Variants in ASIC4 observed in about 807,000 individuals in gnomAD.
ASIC4 encodes the protein acid sensing ion channel subunit family member 4.
Under a neutral mutation model 53.4 loss-of-function variants are expected in ASIC4, and 28 were observed. The observed-to-expected ratio is 0.52, with a 90% CI of 0.39 to 0.72. The LOEUF is 0.72. Among genes scored for constraint, ASIC4 ranks in the 30% least tolerant of loss-of-function variants. ASIC4 has a pLI of 0.00. For missense variants in ASIC4, 649 were observed against 729.7 expected (o/e 0.89, Z 1.27); for synonymous variants, 289 against 301.4 (o/e 0.96, Z 0.43).
intron 5 of ASIC4, 24 bp downstream of exon 5, chr2:219,532,963 A>G (rs1229510253): frequency 6.2e-7 from 1 of 1,608,776 alleles, no homozygotes; most frequent in South Asian, 1.1e-5. Context: ...ACCCTTTCCT[A>G]CCTCTCCATC....
upstream of ASIC4, among the ~76,000 whole-genome samples, chr2:219,513,052 G>C (rs1231875240): frequency 1.3e-5 from 2 of 152,202 alleles, no homozygotes; most frequent in East Asian, 3.9e-4. Flanking sequence ...GGGGCGGGGT[G>C]GCCGTTGGGC....
At chr2:219,514,396 C>T (rs1559452225), upstream of ASIC4, 1 of 1,548,428 alleles carries the variant, frequency 6.5e-7, no homozygotes, top group Non-Finnish European at 8.7e-7. Flanking sequence ...GCGCTCGCTC[C>T]CTCGCTCACT....
At chr2:219,515,498 T>C (rs528073491) in intron 1 of ASIC4, among the ~76,000 whole-genome samples, 192 bp downstream of exon 1, 90 of 152,382 alleles carry the variant, frequency 5.9e-4, no homozygotes, top group African/African-American at 1.0e-3. Context: ...TGGCCGCTCA[T>C]AGGGGCTTAC....
rs144479966 is a variant in ASIC4, at chr2:219,525,353, A to G, written c.583-6405A>G. Among the ~76,000 whole-genome samples the G allele has an allele frequency of 9.8e-3, 1,497 of 152,362 alleles. 28 individuals are homozygous for G. Among genetic ancestry groups the G allele is most frequent in the African/African-American group, 0.034 (1,422 of 41,578 alleles). On this transcript the variant is annotated intron_variant, in intron 1 of 9. Transcript: ENST00000358078. The stretch of plus-strand genomic sequence containing the variant: ...TCTGTCTCTACTTGACACATGAAGA[A>G]ACTGAGGCCCAGAGAAGTTGATAAA...
At chr2:219,510,480 G>A (rs905118191), upstream of ASIC4, among the ~76,000 whole-genome samples, 1 of 152,112 alleles carries the variant, frequency 6.6e-6, no homozygotes, top group Non-Finnish European at 1.5e-5. The surrounding 1 kb of genome is among the most constrained non-coding windows in gnomAD (Gnocchi z 5.2). Flanking sequence ...CCACTCCCAC[G>A]ATGGCTGCGT....
chr2:219,512,418 C>G (rs545271519), upstream of ASIC4, among the ~76,000 whole-genome samples: 6 of 152,160 alleles, frequency 3.9e-5, no homozygotes, highest in Admixed American at 3.9e-4. Flanking sequence ...TTCCCGCTTT[C>G]TTGGCAAAGC....
chr2:219,514,241 G>A (rs1234023610), upstream of ASIC4: 18 of 1,345,144 alleles, frequency 1.3e-5, no homozygotes, highest in East Asian at 4.0e-4. Flanking sequence ...GTCCTGGGCT[G>A]GGGACTGCCC....
Position 219,517,117 on chromosome 2 carries a change from G to C in ASIC4, c.582+1811G>C. On this transcript the variant is annotated intron_variant, in intron 1 of 9. Transcript: ENST00000358078. The surrounding 1 kb of genome is among the most constrained non-coding windows in gnomAD (Gnocchi z 4.2). Reference sequence around the variant, plus strand: ...GGAGTTGGGGGTGGGCAGGAAAGGGGAAGGGTGATGAGACCTCAGTGAGAG... The same window carrying C: ...GGAGTTGGGGGTGGGCAGGAAAGGGCAAGGGTGATGAGACCTCAGTGAGAG... The C allele has an allele frequency of 6.6e-6, 1 of 152,620 alleles. No homozygotes were observed. Among genetic ancestry groups the C allele is most frequent in the Middle Eastern group, 3.4e-3 (1 of 298 alleles). 9.5% of individuals were successfully genotyped at this position (152,620 alleles called of 1,614,324 possible).
At position 219,537,576 on chromosome 2, in the gene ASIC4, C is replaced by T. The variant is rs1468022805; in HGVS notation, c.1402-56C>T. The T allele has an allele frequency of 6.7e-7, 1 of 1,496,456 alleles. No individual in the cohort carries two copies. 92.7% of individuals were successfully genotyped at this position (1,496,456 alleles called of 1,614,324 possible). A position where few individuals can be genotyped will look rare whatever the true frequency, so the allele number is the denominator to read the frequency against. On this transcript the variant is annotated intron_variant, in intron 8 of 9. Coordinates refer to ENST00000358078, the MANE Select transcript of ASIC4 (RefSeq NM_018674.6). This position sits in a 1 kb window ranked among gnomAD's most constrained non-coding sequence, Gnocchi z 4.9. ...GCAGCTGGGCATGGTAAGGCTCACGCTTCTCCTCAACCAAATTTCCTGAGC... is the reference window on the plus strand; with the variant it reads ...GCAGCTGGGCATGGTAAGGCTCACGTTTCTCCTCAACCAAATTTCCTGAGC...
intron 1 of ASIC4, among the ~76,000 whole-genome samples, chr2:219,521,248 C>T (rs762041304): frequency 7.9e-5 from 12 of 152,364 alleles, no homozygotes; most frequent in Non-Finnish European, 1.8e-4. Flanking sequence ...CCCAGCCCCA[C>T]TCAGCAGCCC....
In ASIC4 at chr2:219,538,118, CT is replaced by C; in HGVS notation, c.*73del. The stretch of plus-strand genomic sequence containing the variant: ...GGATCCCCAGCACATTCTCCTGCTC[CT>C]GGGAGAGGCCTGGGGGCGGTGCTCA... On this transcript the variant is annotated 3_prime_UTR_variant, in exon 10 of 10. Coordinates refer to ENST00000358078, the MANE Select transcript of ASIC4 (RefSeq NM_018674.6). The C allele has an allele frequency of 7.7e-7, 1 of 1,302,768 alleles. No individual in the cohort carries two copies. Among genetic ancestry groups the C allele is most frequent in the South Asian group, 1.3e-5 (1 of 78,946 alleles). The allele number at this position is 1,302,768 out of a possible 1,614,324, so 80.7% of individuals were successfully genotyped here.
chr2:219,526,779 A>C (rs972242473), intron 1 of ASIC4, among the ~76,000 whole-genome samples: 1 of 152,186 alleles, frequency 6.6e-6, no homozygotes, highest in African/African-American at 2.4e-5. Flanking sequence ...CAGCACAGAC[A>C]TAGTCCTGTC....
chr2:219,515,368 G>A, intron 1 of ASIC4, 62 bp downstream of exon 1: 2 of 1,549,528 alleles, frequency 1.3e-6, no homozygotes, highest in Admixed American at 1.8e-5. Context: ...GTGGGGAGGA[G>A]TGGTGGCAGT....
At chr2:219,515,461 C>T (rs1694771178) in intron 1 of ASIC4, among the ~76,000 whole-genome samples, 155 bp downstream of exon 1, 2 of 152,268 alleles carry the variant, frequency 1.3e-5, no homozygotes, top group South Asian at 4.1e-4. Flanking sequence ...CCTGGCGTCT[C>T]CCTCTGGCTT....
At chr2:219,534,375 C>T (rs947012457) in intron 5 of ASIC4, among the ~76,000 whole-genome samples, 2 of 152,258 alleles carry the variant, frequency 1.3e-5, no homozygotes, top group Non-Finnish European at 2.9e-5. Flanking sequence ...ACATGGGGAG[C>T]CTTCATTCCC....
In ASIC4 at chr2:219,538,294, G is replaced by T; in HGVS notation, c.*248G>T. The T allele has an allele frequency of 2.0e-6, 1 of 490,148 alleles. No individual in the cohort carries two copies. The allele number at this position is 490,148 out of a possible 1,614,324, so 30.4% of individuals were successfully genotyped here. ...CCAGGCCATGGGCCCTCACGGAGAG[G>T]AAGGGAAGGAAGGAGAGGGAGGGGG... On this transcript the variant is annotated 3_prime_UTR_variant, in exon 10 of 10. Transcript: ENST00000358078.
Position 219,535,186 on chromosome 2 carries a change from G to C in ASIC4, c.1091G>C (p.Gly364Ala), listed in dbSNP as rs144824688. The C allele has an allele frequency of 1.8e-4, 294 of 1,613,274 alleles. 2 individuals carry two copies. Among genetic ancestry groups the C allele is most frequent in the Non-Finnish European group, 2.2e-4 (265 of 1,179,668 alleles). ...TGTGTTGCAGACTCCCTGGGTGGGG[G>C]CCCTGAGGGCCCGTGCTTCTGCCCC... is the stretch of plus-strand genomic sequence containing the variant. ...ADHTLDSLGG[G>A]PEGPCFCPTP... The change falls in exon 6 of 10, where the codon GGC (glycine) becomes GCC (alanine). Residue 364 changes from glycine to alanine, a missense_variant. By Grantham distance (60) the Gly-to-Ala change is moderately conservative. Transcript: ENST00000358078.
intron 5 of ASIC4, 34 bp from the exon 6 acceptor site, chr2:219,535,137 A>G (rs1322947808): frequency 3.8e-6 from 6 of 1,592,296 alleles, no homozygotes; most frequent in Non-Finnish European, 5.1e-6. Context: ...ACCCTTCTCC[A>G]ACTCCCACTG....
chr2:219,519,737 C>A (rs979792408), intron 1 of ASIC4, among the ~76,000 whole-genome samples: 1 of 152,204 alleles, frequency 6.6e-6, no homozygotes, highest in Non-Finnish European at 1.5e-5. Flanking sequence ...CTCTGGATGG[C>A]CCTAGGAATG....
Sources: allele counts gnomAD v4.1 joint callset (sites outside exome capture counted in the v4.1 genomes callset), GRCh38; gene constraint gnomAD v4.1.1; non-coding constraint Gnocchi (gnomAD v3.1); transcripts MANE v1.5; gene names NCBI Gene and HGNC (gene_info 2026-07-23, HGNC 2026-07-21).